C9orf72: variants seen among roughly 807,000 people sequenced by gnomAD.
C9orf72 encodes the protein C9orf72-SMCR8 complex subunit.
C9orf72 carries 44 observed loss-of-function variants against 51.6 expected under a neutral mutation model. The ratio of observed to expected loss-of-function variants is 0.85; its 90% CI spans 0.67 to 1.10. C9orf72 has a LOEUF of 1.10. C9orf72 is among the 50% of genes least tolerant of loss of function. The pLI, the probability that C9orf72 is intolerant of heterozygous loss-of-function variation, is 0.00. For synonymous variants in C9orf72, 213 were observed against 194.2 expected (o/e 1.10, Z -0.81); for missense variants, 607 against 570.6 (o/e 1.06, Z -0.65).
At chr9:27,550,228 T>C (rs1292770158) in intron 9 of C9orf72, among the ~76,000 whole-genome samples, 1 of 151,138 alleles carries the variant, frequency 6.6e-6, no homozygotes, top group African/African-American at 2.4e-5. Context: ...ACTACATATA[T>C]AGTACAAGCA....
intron 8 of C9orf72, among the ~76,000 whole-genome samples, chr9:27,553,990 G>A (rs1820959794): frequency 6.6e-6 from 1 of 152,006 alleles, no homozygotes; most frequent in Admixed American, 6.6e-5. Context: ...TCTAGGAATG[G>A]CTATTATTAA....
chr9:27,560,512 G>T (rs1819317993), intron 5 of C9orf72: 2 of 682,916 alleles, frequency 2.9e-6, no homozygotes, highest in Non-Finnish European at 4.2e-6. Flanking sequence ...CCTTAAAACA[G>T]CCCAATTAGT....
intron 5 of C9orf72, chr9:27,561,301 T>C: frequency 8.4e-7 from 1 of 1,185,922 alleles, no homozygotes; most frequent in Non-Finnish European, 1.0e-6. Context: ...TTCTGTTAGC[T>C]TTAATGAGAA....
rs560134196 is a variant in C9orf72 at position 27,562,573 on chromosome 9, G to A, written c.505-97C>T. The A allele has an allele frequency of 1.2e-4, 64 of 522,868 alleles. 2 individuals are homozygous for A. The South Asian group carries it at 2.4e-3, about 20-fold the overall frequency. The allele number at this position is 522,868 out of a possible 1,614,324, so 32.4% of individuals were successfully genotyped here. A position where few individuals can be genotyped will look rare whatever the true frequency, so the allele number is the denominator to read the frequency against. On this transcript the variant is annotated intron_variant, in intron 3 of 10. Coordinates refer to ENST00000380003, the MANE Select transcript of C9orf72 (RefSeq NM_018325.5). Reference sequence around the variant, plus strand: ...ATAACATCAAACAATAACATTCTTTGATGAAAATACTTCGTAATTTGTTCA... The same window carrying A: ...ATAACATCAAACAATAACATTCTTTAATGAAAATACTTCGTAATTTGTTCA...
chr9:27,554,217 T>C (rs1309672765), intron 8 of C9orf72, among the ~76,000 whole-genome samples: 1 of 152,202 alleles, frequency 6.6e-6, no homozygotes, highest in East Asian at 1.9e-4. Context: ...CATGCATGTG[T>C]ATGTTCATCA....
intron 8 of C9orf72, among the ~76,000 whole-genome samples, chr9:27,551,988 T>C (rs1488295831): frequency 6.6e-6 from 1 of 152,182 alleles, no homozygotes; most frequent in Admixed American, 6.5e-5. Context: ...TGGAAGGTGT[T>C]GGAGTATAGA....
chr9:27,551,253 C>A (rs547564135), intron 8 of C9orf72, among the ~76,000 whole-genome samples: 3 of 152,220 alleles, frequency 2.0e-5, no homozygotes, highest in African/African-American at 7.2e-5. Context: ...CATGAACCAA[C>A]TATCCAAGAA....
intron 1 of C9orf72, among the ~76,000 whole-genome samples, chr9:27,568,206 T>A (rs763851856): frequency 2.6e-5 from 4 of 151,202 alleles, no homozygotes; most frequent in African/African-American, 2.4e-5. Flanking sequence ...TGAAGCCCGA[T>A]CCTGATGTTT....
intron 1 of C9orf72, among the ~76,000 whole-genome samples, chr9:27,572,328 T>G (rs1391724416): frequency 1.3e-5 from 2 of 152,186 alleles, no homozygotes; most frequent in African/African-American, 4.8e-5. Flanking sequence ...AATGCCCGTG[T>G]CAAATGACAC....
chr9:27,547,337 G>T lies in C9orf72; in HGVS notation c.*899C>A. 1 of 152,622 alleles carries T rather than the reference G, an allele frequency of 6.6e-6. No individual in the cohort carries two copies. Among genetic ancestry groups the T allele is most frequent in the Admixed American group, 6.5e-5 (1 of 15,272 alleles). The allele number at this position is 152,622 out of a possible 1,614,324, so 9.5% of individuals were successfully genotyped here. A position where few individuals can be genotyped will look rare whatever the true frequency, so the allele number is the denominator to read the frequency against. ...AGAGTTGCAATGATTGCCAAAGCAG[G>T]TACATGGTAAGACTTAGCAAGAAGA... On this transcript the variant is annotated 3_prime_UTR_variant, in exon 11 of 11. Transcript: ENST00000380003.
At chr9:27,556,870 A>G in intron 7 of C9orf72, 74 bp from the exon 8 acceptor site, 1 of 1,027,566 alleles carries the variant, frequency 9.7e-7, no homozygotes, top group Non-Finnish European at 1.5e-6. Flanking sequence ...ATTTTAAAAA[A>G]TGGTCTCTGA....
chr9:27,562,586 C>A (rs772268686), intron 3 of C9orf72, 110 bp from the exon 4 acceptor site: 7 of 483,926 alleles, frequency 1.4e-5, no homozygotes, highest in Non-Finnish European at 2.5e-5. Context: ...GAAAATACTT[C>A]GTAATTTGTT....
intron 3 of C9orf72, among the ~76,000 whole-genome samples, chr9:27,562,862 G>A (rs9785286): frequency 6.6e-6 from 1 of 151,714 alleles, no homozygotes; most frequent in Admixed American, 6.6e-5. Flanking sequence ...GTAGAGACGG[G>A]GTTTCGCCAT....
At chr9:27,549,606 C>G (rs898024901) in intron 9 of C9orf72, among the ~76,000 whole-genome samples, 7 of 151,822 alleles carry the variant, frequency 4.6e-5, no homozygotes, top group East Asian at 3.8e-4. Flanking sequence ...TTATAACAAA[C>G]TGTAATATAT....
At chr9:27,565,616 AAAAC>A in intron 2 of C9orf72, 26 bp from the exon 3 acceptor site, 2 of 1,416,584 alleles carry the variant, frequency 1.4e-6, no homozygotes, top group Non-Finnish European at 2.0e-6. Flanking sequence ...TTTATTTAAA[AAAAC>A]AACCCACAAC....
chr9:27,547,674 C>T lies in C9orf72; in HGVS notation c.*562G>A, dbSNP rs2131525707. The T allele has an allele frequency of 6.6e-6, 1 of 152,636 alleles. No individual in the cohort carries two copies. The highest frequency in any genetic ancestry group is 2.1e-4 in the South Asian group (1 of 4,830). The allele number at this position is 152,636 out of a possible 1,614,324, so 9.5% of individuals were successfully genotyped here. ...GACTGAATCCCAGGGACTAAATCCACAAAGTAGGATCTAATAATCAATTCC... is the reference window on the plus strand; with the variant it reads ...GACTGAATCCCAGGGACTAAATCCATAAAGTAGGATCTAATAATCAATTCC... On this transcript the variant is annotated 3_prime_UTR_variant, in exon 11 of 11. Coordinates refer to ENST00000380003, the MANE Select transcript of C9orf72 (RefSeq NM_018325.5).
In C9orf72 at chr9:27,546,782, G is replaced by A. The variant is rs1047133318; in HGVS notation, c.*1454C>T. 3 of 152,134 alleles carry A rather than the reference G, an allele frequency of 2.0e-5. No homozygotes were observed. The highest frequency in any genetic ancestry group is 2.9e-5 in the Non-Finnish European group (2 of 68,016). 9.4% of individuals were successfully genotyped at this position (152,134 alleles called of 1,614,324 possible). ...ATATTTTTTAAATGACTGAGCTACA[G>A]TACAACAGTCATCTAGTTCAGTGGT... On this transcript the variant is annotated 3_prime_UTR_variant, in exon 11 of 11. Coordinates refer to ENST00000380003, the MANE Select transcript of C9orf72 (RefSeq NM_018325.5).
At chr9:27,563,041 T>A (rs1038122147) in intron 3 of C9orf72, among the ~76,000 whole-genome samples, 1 of 19,126 alleles carries the variant, frequency 5.2e-5, no homozygotes, top group African/African-American at 5.8e-5. Flanking sequence ...AAAAAAAATT[T>A]GTTAAAGGTC....
At chr9:27,551,292 G>A (rs893159022) in intron 8 of C9orf72, among the ~76,000 whole-genome samples, 2 of 152,234 alleles carry the variant, frequency 1.3e-5, no homozygotes, top group Non-Finnish European at 2.9e-5. Flanking sequence ...AACGACCAGA[G>A]TGAGTAGTAG....
Sources: allele counts gnomAD v4.1 joint callset (sites outside exome capture counted in the v4.1 genomes callset), GRCh38; gene constraint gnomAD v4.1.1; transcripts MANE v1.5; gene names NCBI Gene and HGNC (gene_info 2026-07-23, HGNC 2026-07-21).